Variants in PCM1 observed in about 807,000 individuals in gnomAD.
The protein encoded by PCM1 is pericentriolar material 1.
Under a neutral mutation model 241.9 loss-of-function variants are expected in PCM1, and 157 were observed. The ratio of observed to expected loss-of-function variants is 0.65; its 90% CI spans 0.57 to 0.74. The LOEUF (loss-of-function observed/expected upper bound fraction) is 0.74, where lower values mean the gene tolerates loss of function less well. PCM1 is among the 30% of genes least tolerant of loss of function. The pLI is 0.00. For synonymous variants in PCM1, 1,085 were observed against 784.9 expected, an observed-to-expected ratio of 1.38 and a Z score of -6.39; for missense variants, 3,478 against 2,360.1, an observed-to-expected ratio of 1.47 and a Z score of -9.81.
In PCM1 at chr8:17,972,589, C is replaced by T. The variant is rs745835752; in HGVS notation, c.3845C>T (p.Ala1282Val). 1.1e-5 allele frequency: 18 copies of T among 1,612,596 alleles called. No homozygotes were observed. The South Asian group carries it at 1.4e-4, about 13-fold the overall frequency. ...TVTKTFKTRK[A>V]SAQASLASKD... Reference sequence around the variant, plus strand: ...ACTAAAACATTCAAGACAAGAAAAGCGTCTGCACAGGCCAGCCTGGCATCT... The same window carrying T: ...ACTAAAACATTCAAGACAAGAAAAGTGTCTGCACAGGCCAGCCTGGCATCT... The change falls in exon 23 of 39, where the codon GCG becomes GTG. Residue 1282 changes from alanine to valine, a missense_variant. Transcript: ENST00000325083.
intron 36 of PCM1, 81 bp downstream of exon 36, chr8:18,014,921 C>G: frequency 1.7e-6 from 2 of 1,211,000 alleles, no homozygotes. Flanking sequence ...GCATTCTCCA[C>G]ATGTAAACCA....
In PCM1 at chr8:17,963,207, C is replaced by G. The variant is rs763476833; in HGVS notation, c.2570C>G (p.Ala857Gly). ...GAACATCAGAGGAGGCAAGGTCTAG[C>G]TGAAACTGCATCTCCAGTGGCTGTG... is the stretch of plus-strand genomic sequence containing the variant. The part of the protein sequence containing the change: ...MAEHQRRQGL[A>G]ETASPVAVSL... Residue 857 changes from alanine (A) to glycine (G), a missense_variant, in exon 17 of 39, where the codon GCT (alanine) becomes GGT (glycine). Coordinates refer to ENST00000325083, the MANE Select transcript of PCM1 (RefSeq NM_006197.4). 2 of 1,613,658 alleles carry G rather than the reference C, an allele frequency of 1.2e-6. No individual in the cohort carries two copies. Among genetic ancestry groups the G allele is most frequent in the Non-Finnish European group, 1.7e-6 (2 of 1,179,684 alleles).
In PCM1 at chr8:17,952,986, A is replaced by G; in HGVS notation, c.1088A>G (p.Asp363Gly). ...LRDSQPPAVP[D>G]NRRQAESLSL... Reference sequence around the variant, plus strand: ...TTTAATAAGCCTCCAGCTGTTCCAGACAATAGAAGACAGGCAGAAAGTCTT... The same window carrying G: ...TTTAATAAGCCTCCAGCTGTTCCAGGCAATAGAAGACAGGCAGAAAGTCTT... Residue 363 changes from aspartate to glycine, a missense_variant, in exon 9 of 39, where the codon GAC becomes GGC. Transcript: ENST00000325083. 6.3e-7 allele frequency: 1 copy of G among 1,588,742 alleles called. No homozygotes were observed. The highest frequency in any genetic ancestry group is 8.6e-7 in the Non-Finnish European group (1 of 1,166,850).
chr8:17,937,577 G>T (rs2060773838), intron 4 of PCM1, among the ~76,000 whole-genome samples, 198 bp downstream of exon 4: 1 of 152,106 alleles, frequency 6.6e-6, no homozygotes, highest in Non-Finnish European at 1.5e-5. Context: ...TTCTAAACTT[G>T]CTAAAGACAT....
intron 29 of PCM1, among the ~76,000 whole-genome samples, chr8:17,998,458 T>C (rs2087828675): frequency 6.6e-6 from 1 of 152,202 alleles, no homozygotes; most frequent in African/African-American, 2.4e-5. Flanking sequence ...CCAGAAGAAT[T>C]CTCTGAATTA....
intron 3 of PCM1, among the ~76,000 whole-genome samples, chr8:17,936,496 A>G (rs1485982621): frequency 6.6e-6 from 1 of 152,220 alleles, no homozygotes; most frequent in Non-Finnish European, 1.5e-5. Flanking sequence ...ATTTGAAACT[A>G]TAAGCACTTT....
At chr8:17,988,459 GA>G (rs2083349592) in intron 26 of PCM1, among the ~76,000 whole-genome samples, 1 of 151,702 alleles carries the variant, frequency 6.6e-6, no homozygotes, top group Non-Finnish European at 1.5e-5. Flanking sequence ...ACTTTTAAAA[GA>G]AAATGGGAAA....
intron 36 of PCM1, among the ~76,000 whole-genome samples, chr8:18,018,784 C>A (rs2093463086): frequency 6.8e-6 from 1 of 146,190 alleles, no homozygotes; most frequent in Non-Finnish European, 1.5e-5. Flanking sequence ...GCACTCCAGC[C>A]TGGCCACAGA....
chr8:17,965,230 T>A (rs1445799788), intron 18 of PCM1, among the ~76,000 whole-genome samples: 1 of 152,208 alleles, frequency 6.6e-6, no homozygotes, highest in Non-Finnish European at 1.5e-5. Flanking sequence ...AGCACTTTGA[T>A]GTGTTCAGTG....
rs183465600 is a variant in PCM1, at chr8:17,988,680, A to G, written c.4411-1179A>G. Among the ~76,000 whole-genome samples the G allele has an allele frequency of 4.2e-3, 639 of 152,058 alleles. 2 individuals are homozygous for G. Among genetic ancestry groups the G allele is most frequent in the Non-Finnish European group, 7.1e-3 (478 of 67,800 alleles). On this transcript the variant is annotated intron_variant, in intron 26 of 38. Transcript: ENST00000325083. ...TTACAACTCAGTTGTAAGACAACTC[A>G]GTAAAAACTGGGCAAGAGATTTGAA...
Position 17,940,931 on chromosome 8 carries a change from C to G in PCM1, c.783+1070C>G, listed in dbSNP as rs142572474. Among the ~76,000 whole-genome samples, 198 of 152,180 alleles carry G rather than the reference C, an allele frequency of 1.3e-3. 1 individual carries two copies. The highest frequency in any genetic ancestry group is 4.6e-3 in the African/African-American group (189 of 41,514). The stretch of plus-strand genomic sequence containing the variant: ...TTGTTTTGAGAGGATAAGCATATAT[C>G]TCTTCGGGTTTTGAGGTGTTCAAAA... On this transcript the variant is annotated intron_variant, in intron 6 of 38. Transcript: ENST00000325083.
At chr8:18,020,260 G>C (rs1398454829) in intron 36 of PCM1, among the ~76,000 whole-genome samples, 1 of 152,184 alleles carries the variant, frequency 6.6e-6, no homozygotes, top group Non-Finnish European at 1.5e-5. Flanking sequence ...AAATCGAGTT[G>C]TCAGAGCATA....
At chr8:17,977,799 T>A (rs2079276918) in intron 23 of PCM1, among the ~76,000 whole-genome samples, 1 of 152,154 alleles carries the variant, frequency 6.6e-6, no homozygotes, top group Non-Finnish European at 1.5e-5. Context: ...ACTGACAGCT[T>A]GCTAGCGAAA....
rs368827646 is a variant in PCM1 at position 17,960,286 on chromosome 8, C to A, written c.2193-29C>A. The A allele has an allele frequency of 1.6e-5, 26 of 1,587,228 alleles. No homozygotes were observed. In the African/African-American group the frequency reaches 2.2e-4, roughly 13 times the overall value. On this transcript the variant is annotated intron_variant, in intron 14 of 38. Coordinates refer to ENST00000325083, the MANE Select transcript of PCM1 (RefSeq NM_006197.4). ...ATGCTTCATCACATTTTATTGGAGT[C>A]CATAAATATAATGTCAATTTAATTG...
intron 36 of PCM1, among the ~76,000 whole-genome samples, chr8:18,020,569 T>C (rs2093670448): frequency 6.6e-6 from 1 of 152,198 alleles, no homozygotes; most frequent in South Asian, 2.1e-4. Context: ...ACTCCTCACA[T>C]TGACTTATGG....
intron 2 of PCM1, among the ~76,000 whole-genome samples, chr8:17,929,046 A>G (rs2058120877): frequency 1.3e-5 from 2 of 152,198 alleles, no homozygotes; most frequent in South Asian, 2.1e-4. Context: ...TTCCTTAAAA[A>G]TATTAGCTAA....
At chr8:18,015,263 AAAC>A (rs2093022481) in intron 36 of PCM1, among the ~76,000 whole-genome samples, 1 of 151,928 alleles carries the variant, frequency 6.6e-6, no homozygotes, top group African/African-American at 2.4e-5. Flanking sequence ...AAAAAAAAAA[AAAC>A]TAGGAAATCT....
chr8:17,941,777 A>C (rs1237575138), intron 6 of PCM1, among the ~76,000 whole-genome samples: 1 of 152,152 alleles, frequency 6.6e-6, no homozygotes, highest in East Asian at 1.9e-4. Context: ...AGACCTCAGA[A>C]TGACAGGGAA....
In PCM1 at chr8:17,966,362, G is replaced by A. The variant is rs763683160; in HGVS notation, c.3110G>A (p.Gly1037Asp). The A allele has an allele frequency of 1.2e-6, 2 of 1,613,680 alleles. No homozygotes were observed. The highest frequency in any genetic ancestry group is 3.3e-5 in the Admixed American group (2 of 60,008). Reference sequence around the variant, plus strand: ...TGTCTGCTACAAACTCTTCTCACGGGTCCTTACAGTGTTATGCCCAGCAAT... The same window carrying A: ...TGTCTGCTACAAACTCTTCTCACGGATCCTTACAGTGTTATGCCCAGCAAT... Reference protein sequence around the residue: ...LSCLLQTLLTGPYSVMPSNVA... With the variant: ...LSCLLQTLLTDPYSVMPSNVA... The change falls in exon 20 of 39, where the codon GGT (glycine) becomes GAT (aspartate). Residue 1037 changes from glycine to aspartate, a missense_variant. Gly to Asp is a moderately conservative substitution (Grantham distance 94). Transcript: ENST00000325083.
Sources: gnomAD v4.1 joint callset for allele counts (sites outside exome capture counted in the v4.1 genomes callset) on GRCh38, gnomAD v4.1.1 for gene constraint, MANE v1.5 for transcripts, NCBI Gene and HGNC (gene_info 2026-07-23, HGNC 2026-07-21) for gene names.